NRXN3: variants seen among roughly 807,000 people sequenced by gnomAD.
NRXN3 encodes the protein neurexin III.
In NRXN3, 32 loss-of-function variants were observed where a neutral mutation model predicts 137.6. The ratio of observed to expected loss-of-function variants is 0.23; its 90% CI spans 0.18 to 0.31. The LOEUF (loss-of-function observed/expected upper bound fraction) is 0.31. Ranked by LOEUF, NRXN3 falls within the 10% of genes least tolerant of loss-of-function variation. The pLI, the probability that NRXN3 is intolerant of heterozygous loss-of-function variation, is 1.00. For synonymous variants in NRXN3, 798 were observed against 784.5 expected (o/e 1.02, Z -0.29); for missense variants, 1,574 against 2,062.5 (o/e 0.76, Z 4.59).
chr14:78,784,474 A>G (rs1303183035), intron 8 of NRXN3, among the ~76,000 whole-genome samples: 6 of 152,340 alleles, frequency 3.9e-5, no homozygotes, highest in Non-Finnish European at 7.3e-5. Flanking sequence ...GGTGCTATTA[A>G]TAATTACACC....
intron 19 of NRXN3, among the ~76,000 whole-genome samples, chr14:79,708,077 T>A (rs1020292782): frequency 2.6e-5 from 4 of 152,198 alleles, no homozygotes; most frequent in African/African-American, 9.6e-5. Context: ...CACTTCTATG[T>A]AAAAGGTAGA....
chr14:78,462,436 G>A (rs1234528084), intron 4 of NRXN3, among the ~76,000 whole-genome samples: 1 of 152,110 alleles, frequency 6.6e-6, no homozygotes, highest in Non-Finnish European at 1.5e-5. Context: ...AGACATTCAA[G>A]TTCAACGTAT....
chr14:78,383,461 T>A (rs183685216), intron 4 of NRXN3, among the ~76,000 whole-genome samples: 111 of 152,300 alleles, frequency 7.3e-4, no homozygotes, highest in Admixed American at 4.0e-3. Context: ...GTTGTTGGCA[T>A]ATTTATTTAT....
chr14:79,740,707 GTT>G (rs71103816), intron 19 of NRXN3, among the ~76,000 whole-genome samples: 7,327 of 46,310 alleles, frequency 0.16, 1,586 homozygotes, highest in East Asian at 0.19. Context: ...TTTGCATTTA[GTT>G]TTTTATATAT....
At position 78,685,629 on chromosome 14, in the gene NRXN3, C is replaced by CTT. The variant is rs36106336; in HGVS notation, c.1222-23569_1222-23568dup. On this transcript the variant is annotated intron_variant, in intron 6 of 20. Transcript: ENST00000335750. Reference sequence around the variant, plus strand: ...TTTCCAAAGCTCTGAAGAAATGTCACTTTTTTTTTTTTTTTTTTTTGAGAT... The same window carrying CTT: ...TTTCCAAAGCTCTGAAGAAATGTCACTTTTTTTTTTTTTTTTTTTTTTGAGAT... 7.4e-4 allele frequency among the ~76,000 whole-genome samples: 59 copies of CTT among 80,190 alleles called. 2 individuals carry two copies. The Middle Eastern group carries it at 0.02, about 28-fold the overall frequency. The allele number at this position is 80,190 out of a possible 152,430, so 52.6% of individuals were successfully genotyped here.
At chr14:78,437,527 T>G (rs1258314885) in intron 4 of NRXN3, among the ~76,000 whole-genome samples, 1 of 152,056 alleles carries the variant, frequency 6.6e-6, no homozygotes, top group Non-Finnish European at 1.5e-5. Flanking sequence ...TTTTGTAGTT[T>G]TAGTAGAGAC....
At chr14:79,288,056 A>G (rs745534395) in intron 15 of NRXN3, among the ~76,000 whole-genome samples, 21 of 152,196 alleles carry the variant, frequency 1.4e-4, no homozygotes, top group Non-Finnish European at 2.6e-4. Context: ...TCTTAAACCT[A>G]TCTGAGTTCC....
chr14:78,215,511 T>A (rs933514726), intron 1 of NRXN3, among the ~76,000 whole-genome samples: 3 of 152,100 alleles, frequency 2.0e-5, no homozygotes, highest in Non-Finnish European at 4.4e-5. Context: ...GGCCTCCAGC[T>A]TGAAAGATTT....
chr14:78,252,377 G>T (rs1245954247), intron 2 of NRXN3, among the ~76,000 whole-genome samples: 1 of 152,146 alleles, frequency 6.6e-6, no homozygotes, highest in East Asian at 1.9e-4. Flanking sequence ...GAGAGGGAGG[G>T]ACAAGAACTG....
intron 10 of NRXN3, among the ~76,000 whole-genome samples, chr14:78,836,476 T>C (rs2098997344): frequency 6.6e-6 from 1 of 152,190 alleles, no homozygotes; most frequent in Non-Finnish European, 1.5e-5. Context: ...AACATCTGAT[T>C]CAGTAGGTTG....
intron 15 of NRXN3, among the ~76,000 whole-genome samples, chr14:79,273,867 T>C (rs2079823867): frequency 6.6e-6 from 1 of 151,012 alleles, no homozygotes; most frequent in African/African-American, 2.4e-5. Context: ...GAGTCCGAGG[T>C]GGGCAGATCA....
intron 14 of NRXN3, among the ~76,000 whole-genome samples, chr14:78,972,173 G>T (rs1298398475): frequency 6.6e-6 from 1 of 152,140 alleles, no homozygotes. Flanking sequence ...ATTGAGGCCA[G>T]CTTTGCTGCA....
intron 2 of NRXN3, among the ~76,000 whole-genome samples, chr14:78,265,307 T>G (rs1481491340): frequency 6.6e-6 from 1 of 152,088 alleles, no homozygotes; most frequent in East Asian, 1.9e-4. Context: ...ACTTAATAGG[T>G]TTTTGTTAAG....
At chr14:79,318,068 A>G (rs2089237946) in intron 15 of NRXN3, among the ~76,000 whole-genome samples, 2 of 152,250 alleles carry the variant, frequency 1.3e-5, no homozygotes, top group South Asian at 4.1e-4. Flanking sequence ...AAAAGGGAGG[A>G]GCACTAAATT....
At chr14:78,807,627 C>T (rs1017895948) in intron 9 of NRXN3, among the ~76,000 whole-genome samples, 6 of 150,684 alleles carry the variant, frequency 4.0e-5, no homozygotes, top group Non-Finnish European at 7.4e-5. Context: ...CCCAGCTACT[C>T]GAGAGGCTGA....
chr14:78,241,184 T>C (rs1249167241), intron 1 of NRXN3, among the ~76,000 whole-genome samples: 1 of 152,190 alleles, frequency 6.6e-6, no homozygotes, highest in East Asian at 1.9e-4. Context: ...TTCATAATCT[T>C]TTTCAGTACT....
At chr14:78,802,906 GCT>G (rs1469250681) in intron 8 of NRXN3, among the ~76,000 whole-genome samples, 27 of 152,150 alleles carry the variant, frequency 1.8e-4, no homozygotes, top group Non-Finnish European at 3.7e-4. Flanking sequence ...AGATCACACT[GCT>G]GCACTCCAGC....
intron 4 of NRXN3, among the ~76,000 whole-genome samples, chr14:78,404,810 T>C (rs982927128): frequency 6.6e-6 from 1 of 152,164 alleles, no homozygotes; most frequent in African/African-American, 2.4e-5. Flanking sequence ...AGAGTAATGT[T>C]GATTGGTAGA....
chr14:79,152,433 T>TTGAA, intron 15 of NRXN3, among the ~76,000 whole-genome samples: 1 of 152,162 alleles, frequency 6.6e-6, no homozygotes, highest in Non-Finnish European at 1.5e-5. Context: ...CTCCCCACCA[T>TTGAA]TGACACATGC....
Sources: allele counts gnomAD v4.1 joint callset (sites outside exome capture counted in the v4.1 genomes callset), GRCh38; gene constraint gnomAD v4.1.1; transcripts MANE v1.5; gene names NCBI Gene and HGNC (gene_info 2026-07-23, HGNC 2026-07-21).